Variants in CCDC73 observed in about 807,000 individuals in gnomAD.
The protein encoded by CCDC73 is coiled-coil domain-containing protein 73.
Under a neutral mutation model 116.5 loss-of-function variants are expected in CCDC73, and 95 were observed. The ratio of observed to expected loss-of-function variants is 0.82; its 90% CI spans 0.69 to 0.97. The LOEUF (loss-of-function observed/expected upper bound fraction) is 0.97. Ranked by LOEUF, CCDC73 falls within the 50% of genes least tolerant of loss-of-function variation. The probability of loss-of-function intolerance (pLI) is 0.00; values close to 1 mark genes in which losing one functional copy is unlikely to be tolerated. For synonymous variants in CCDC73, 398 were observed against 401.3 expected (o/e 0.99, Z 0.10); for missense variants, 1,066 against 1,206.8 (o/e 0.88, Z 1.73).
chr11:32,770,801 A>C lies in CCDC73; in HGVS notation c.-15-10543T>G, dbSNP rs1348417619. ...AAATACGGGGAGAGAGATGAAGTCA[A>C]AAAGAAATTGTTCAGGTTCATAAGT... On this transcript the variant is annotated intron_variant, in intron 1 of 17. Coordinates refer to ENST00000335185, the MANE Select transcript of CCDC73 (RefSeq NM_001008391.4). 2.2e-4 allele frequency among the ~76,000 whole-genome samples: 33 copies of C among 152,216 alleles called. 1 individual carries two copies. Among genetic ancestry groups the C allele is most frequent in the Non-Finnish European group, 2.1e-4 (14 of 68,034 alleles).
chr11:32,827,659 A>T, the CCDC73 span, among the ~76,000 whole-genome samples: 1 of 152,222 alleles, frequency 6.6e-6, no homozygotes, highest in Non-Finnish European at 1.5e-5. Context: ...CTTCCACTCC[A>T]TGAAAATGTA....
chr11:32,614,116 A>G lies in CCDC73; in HGVS notation c.2202T>C (p.Ser734=), dbSNP rs1403648371. ...GGCTTGAGTTAGGTTTCACCAACAT[A>G]GACATACTATGGACATTTTTATCTG... ...KNSDKNVHSM[S]MLVKPNSSPG... The change falls in exon 16 of 18, where the codon TCT becomes TCC. Residue 734 remains serine, a synonymous_variant. Transcript: ENST00000335185. 2 of 1,613,718 alleles carry G rather than the reference A, an allele frequency of 1.2e-6. No individual in the cohort carries two copies. The highest frequency in any genetic ancestry group is 1.7e-6 in the Non-Finnish European group (2 of 1,179,868).
rs1232717002 is a variant in CCDC73 at position 32,655,527 on chromosome 11, C to A, written c.646-555G>T. ...AAAAGGTTCTACATGCACAAAGCCACAGAAACATGAAAGAGAACGATATTT... is the reference window on the plus strand; with the variant it reads ...AAAAGGTTCTACATGCACAAAGCCAAAGAAACATGAAAGAGAACGATATTT... On this transcript the variant is annotated intron_variant, in intron 9 of 17. Transcript: ENST00000335185. Among the ~76,000 whole-genome samples, 4 of 152,104 alleles carry A rather than the reference C, an allele frequency of 2.6e-5. No individual in the cohort carries two copies. The South Asian group carries it at 8.3e-4, about 32-fold the overall frequency.
intron 2 of CCDC73, among the ~76,000 whole-genome samples, chr11:32,754,663 T>A (rs1850316599): frequency 6.6e-6 from 1 of 151,904 alleles, no homozygotes. Flanking sequence ...GACAGAAAAC[T>A]TCTAAATAGC....
At chr11:32,635,211 CAT>C (rs1565062612) in intron 14 of CCDC73, among the ~76,000 whole-genome samples, 3 of 152,010 alleles carry the variant, frequency 2.0e-5, no homozygotes, top group African/African-American at 4.8e-5. Context: ...GAAATTGAGA[CAT>C]TGATTCTAAA....
chr11:32,618,159 T>G (rs1432249789), intron 14 of CCDC73, among the ~76,000 whole-genome samples: 2 of 152,324 alleles, frequency 1.3e-5, no homozygotes. Context: ...TTAATTTGCT[T>G]AGGATAATGG....
At position 32,614,414 on chromosome 11, in the gene CCDC73, A is replaced by G. The variant is rs1396244633; in HGVS notation, c.1904T>C (p.Ile635Thr). The G allele has an allele frequency of 3.1e-6, 5 of 1,613,222 alleles. No individual in the cohort carries two copies. Among genetic ancestry groups the G allele is most frequent in the East Asian group, 4.5e-5 (2 of 44,822 alleles). The change falls in exon 16 of 18, where the codon ATA becomes ACA. Residue 635 changes from isoleucine (I) to threonine (T), a missense_variant. Coordinates refer to ENST00000335185, the MANE Select transcript of CCDC73 (RefSeq NM_001008391.4). ...CTGACATGGAACAGGATTTTTTTTT[A>G]TATCTAGAGACGAGTCCAAATCTGC... ...TKADLDSSLD[I>T]KKNPVPCQKY...
intron 17 of CCDC73, among the ~76,000 whole-genome samples, chr11:32,610,223 A>G (rs953724624): frequency 6.6e-6 from 1 of 152,110 alleles, no homozygotes; most frequent in Non-Finnish European, 1.5e-5. Flanking sequence ...ACCCGCCCCC[A>G]TGATTCAATT....
intron 2 of CCDC73, among the ~76,000 whole-genome samples, chr11:32,740,306 T>G (rs1430358144): frequency 6.6e-6 from 1 of 152,046 alleles, no homozygotes. Flanking sequence ...AATTCCACAG[T>G]GAAGCCATTG....
At chr11:32,647,903 C>T (rs1419918852) in intron 12 of CCDC73, among the ~76,000 whole-genome samples, 1 of 151,684 alleles carries the variant, frequency 6.6e-6, no homozygotes, top group Non-Finnish European at 1.5e-5. Context: ...TAGTTAATTT[C>T]AAACTACCAT....
Position 32,675,942 on chromosome 11 carries a change from G to T in CCDC73, c.509C>A (p.Thr170Lys). The T allele has an allele frequency of 6.2e-7, 1 of 1,608,800 alleles. No individual in the cohort carries two copies. Among genetic ancestry groups the T allele is most frequent in the Non-Finnish European group, 8.5e-7 (1 of 1,177,850 alleles). The change falls in exon 8 of 18, where the codon ACA (threonine) becomes AAA (lysine). Residue 170 changes from threonine to lysine, a missense_variant. By Grantham distance (78) the Thr-to-Lys change is moderately conservative. Coordinates refer to ENST00000335185, the MANE Select transcript of CCDC73 (RefSeq NM_001008391.4). ...TACCAATCCAAATTGACCTGTTATT[G>T]TGGCATAATATTTCTCAATTTCACT... ...QLSEIEKYYA[T>K]ITGQFGLVKE...
the CCDC73 span, among the ~76,000 whole-genome samples, chr11:32,805,856 ACCAGTCACAGG>A: frequency 6.6e-6 from 1 of 152,198 alleles, no homozygotes; most frequent in Non-Finnish European, 1.5e-5. Flanking sequence ...ACTGGAGCTG[ACCAGTCACAGG>A]CCTATACTCA....
intron 5 of CCDC73, among the ~76,000 whole-genome samples, chr11:32,699,674 T>C (rs1391883426): frequency 6.6e-6 from 1 of 152,018 alleles, no homozygotes; most frequent in African/African-American, 2.4e-5. Flanking sequence ...AGGTGGGAAC[T>C]GAACAATGAG....
chr11:32,760,038 C>G, intron 2 of CCDC73, 71 bp downstream of exon 2: 1 of 1,303,422 alleles, frequency 7.7e-7, no homozygotes, highest in South Asian at 1.3e-5. Context: ...GCTTTTTATT[C>G]TTTAAAAAAC....
intron 3 of CCDC73, among the ~76,000 whole-genome samples, chr11:32,716,604 C>T (rs1849948236): frequency 6.6e-6 from 1 of 152,214 alleles, no homozygotes; most frequent in Non-Finnish European, 1.5e-5. Flanking sequence ...GCTCTGCACC[C>T]AGGCTGGAGT....
intron 12 of CCDC73, among the ~76,000 whole-genome samples, chr11:32,650,625 T>C (rs1248574552): frequency 6.6e-6 from 1 of 152,166 alleles, no homozygotes; most frequent in African/African-American, 2.4e-5. Context: ...TTTTTGCTAG[T>C]CTTATATCAG....
chr11:32,694,573 A>G (rs1856291610), intron 6 of CCDC73, among the ~76,000 whole-genome samples: 1 of 152,198 alleles, frequency 6.6e-6, no homozygotes, highest in Non-Finnish European at 1.5e-5. Context: ...GTGCACATGT[A>G]CCTTAGAACT....
chr11:32,671,192 C>A (rs1307405115), intron 9 of CCDC73, among the ~76,000 whole-genome samples: 1 of 152,138 alleles, frequency 6.6e-6, no homozygotes, highest in Non-Finnish European at 1.5e-5. Context: ...CTTCACCCCT[C>A]CCTTTCTGGT....
At chr11:32,668,590 T>C (rs1283856346) in intron 9 of CCDC73, among the ~76,000 whole-genome samples, 1 of 152,206 alleles carries the variant, frequency 6.6e-6, no homozygotes, top group South Asian at 2.1e-4. Context: ...AAGCATACTA[T>C]TGTTAATGAC....
Sources: gnomAD v4.1 joint callset for allele counts (sites outside exome capture counted in the v4.1 genomes callset) on GRCh38, gnomAD v4.1.1 for gene constraint, MANE v1.5 for transcripts, NCBI Gene and HGNC (gene_info 2026-07-23, HGNC 2026-07-21) for gene names.